The following TANC2 variants were observed in gnomAD, a reference collection of about 807,000 sequenced individuals.
The protein encoded by TANC2 is protein TANC2.
Under a neutral mutation model 210.5 loss-of-function variants are expected in TANC2, and 26 were observed. The observed-to-expected ratio is 0.12, with a 90% confidence interval of 0.09 to 0.17. TANC2 has a LOEUF of 0.17. Among genes scored for constraint, TANC2 ranks in the 10% least tolerant of loss-of-function variants. The probability of loss-of-function intolerance (pLI) is 1.00; values close to 1 mark genes in which losing one functional copy is unlikely to be tolerated. For missense variants in TANC2, 2,129 were observed against 2,608.9 expected (o/e 0.82, Z 4.01); for synonymous variants, 931 against 967.1 (o/e 0.96, Z 0.69).
At chr17:63,318,885 A>G in intron 10 of TANC2, 72 bp from the exon 11 acceptor site, 1 of 1,547,530 alleles carries the variant, frequency 6.5e-7, no homozygotes, top group Non-Finnish European at 8.9e-7. Flanking sequence ...CATAGAACAA[A>G]TGGAATTTAG....
chr17:63,098,478 ACATACACTCTCT>A lies in TANC2; in HGVS notation c.140-695_140-684del, dbSNP rs1427396122. Among the ~76,000 whole-genome samples the A allele has an allele frequency of 2.8e-3, 86 of 30,888 alleles. 2 individuals carry two copies. The highest frequency in any genetic ancestry group is 0.015 in the African/African-American group (85 of 5,852). 20.3% of individuals were successfully genotyped at this position (30,888 alleles called of 152,430 possible). A position where few individuals can be genotyped will look rare whatever the true frequency, so the allele number is the denominator to read the frequency against. ...CACACACACACACACACACACACAC[ACATACACTCTCT>A]CTCTCTCTCTCTCTCTCTCTGTGTG... On this transcript the variant is annotated intron_variant, in intron 3 of 27. Transcript: ENST00000689528.
At chr17:63,214,132 C>T (rs1452444477) in intron 7 of TANC2, among the ~76,000 whole-genome samples, 2 of 152,182 alleles carry the variant, frequency 1.3e-5, no homozygotes, top group African/African-American at 4.8e-5. Context: ...TGGTCACAGC[C>T]TGGTGAGTAT....
In TANC2 at chr17:63,130,245, A is replaced by C. The variant is rs2038869945; in HGVS notation, c.323-21025A>C. ...ATTTACTTGGCCGGCTCAGTGGCTC[A>C]CACCTGTAATCCCAGCACCTTATGA... On this transcript the variant is annotated intron_variant, in intron 4 of 27. Transcript: ENST00000689528. Among the ~76,000 whole-genome samples, 3 of 152,190 alleles carry C rather than the reference A, an allele frequency of 2.0e-5. No homozygotes were observed. In the South Asian group the frequency reaches 6.2e-4, roughly 32 times the overall value.
intron 18 of TANC2, among the ~76,000 whole-genome samples, chr17:63,397,931 G>A (rs748987202): frequency 3.9e-5 from 6 of 152,172 alleles, no homozygotes; most frequent in Non-Finnish European, 8.8e-5. Flanking sequence ...GGGATAATCA[G>A]CAAAACAGCT....
exon 22 of TANC2, chr17:63,411,665 T>C: frequency 6.2e-7 from 1 of 1,613,224 alleles, no homozygotes; most frequent in Non-Finnish European, 8.5e-7. Context: ...ATCTGGCAGC[T>C]TTCTATGGCG....
At chr17:63,056,060 A>G (rs1460890400) in intron 2 of TANC2, among the ~76,000 whole-genome samples, 2 of 129,788 alleles carry the variant, frequency 1.5e-5, no homozygotes, top group African/African-American at 5.5e-5. Context: ...AGTCCCAGGA[A>G]CTTGGGAGGC....
chr17:63,419,854 C>G (rs2048969783), intron 27 of TANC2, 145 bp from the exon 28 acceptor site: 1 of 921,286 alleles, frequency 1.1e-6, no homozygotes, highest in Non-Finnish European at 1.6e-6. Flanking sequence ...TGTTTCCTTC[C>G]CTATAAATCC....
intron 9 of TANC2, among the ~76,000 whole-genome samples, chr17:63,275,503 G>C (rs1202372451): frequency 6.6e-6 from 1 of 152,084 alleles, no homozygotes; most frequent in Admixed American, 6.6e-5. Flanking sequence ...CCTTTATGAT[G>C]ATGACTAAGA....
chr17:63,051,855 C>T (rs2035593785), intron 2 of TANC2, among the ~76,000 whole-genome samples: 1 of 152,036 alleles, frequency 6.6e-6, no homozygotes, highest in African/African-American at 2.4e-5. Context: ...ATTATGAGTA[C>T]ATTTAAGGTA....
chr17:63,340,459 T>C, intron 12 of TANC2, 127 bp downstream of exon 12: 1 of 701,644 alleles, frequency 1.4e-6, no homozygotes. Context: ...GGATATCCTG[T>C]AGGATACAGT....
At chr17:63,411,785 T>C in intron 22 of TANC2, 99 bp downstream of exon 22, 1 of 1,465,446 alleles carries the variant, frequency 6.8e-7, no homozygotes, top group Non-Finnish European at 9.2e-7. Context: ...TGATGATTCC[T>C]GATACAGAGC....
At chr17:63,396,219 A>G (rs931075146) in intron 18 of TANC2, 1 of 337,162 alleles carries the variant, frequency 3.0e-6, no homozygotes, top group East Asian at 6.2e-5. Context: ...GCTCAAAGAG[A>G]TGAATTATTG....
At chr17:63,304,765 A>G (rs527313170) in intron 9 of TANC2, among the ~76,000 whole-genome samples, 2 of 152,202 alleles carry the variant, frequency 1.3e-5, no homozygotes, top group South Asian at 2.1e-4. Context: ...TTAGAGTTCT[A>G]TCCCTGAGTC....
At chr17:63,037,206 G>A (rs926839530) in intron 2 of TANC2, among the ~76,000 whole-genome samples, 2 of 151,950 alleles carry the variant, frequency 1.3e-5, no homozygotes, top group Non-Finnish European at 2.9e-5. Context: ...AACGACTAAC[G>A]GGCATGTAGG....
At chr17:63,005,591 A>G (rs1416824397) in intron 1 of TANC2, among the ~76,000 whole-genome samples, 2 of 151,870 alleles carry the variant, frequency 1.3e-5, no homozygotes, top group Non-Finnish European at 2.9e-5. Flanking sequence ...AACATGGCTT[A>G]TCTCCACTTA....
intron 1 of TANC2, among the ~76,000 whole-genome samples, chr17:63,007,888 G>A (rs1210275146): frequency 2.0e-5 from 3 of 151,190 alleles, no homozygotes; most frequent in Non-Finnish European, 2.9e-5. Context: ...TCCTTCTGGT[G>A]GAAGAACTCC....
At chr17:62,969,180 A>T (rs569712565) in intron 1 of TANC2, among the ~76,000 whole-genome samples, 1 of 152,200 alleles carries the variant, frequency 6.6e-6, no homozygotes, top group African/African-American at 2.4e-5. Context: ...TGTAGCACCT[A>T]TTCTTTGCCA....
chr17:63,207,728 A>G (rs1409984585), intron 7 of TANC2, among the ~76,000 whole-genome samples: 3 of 152,192 alleles, frequency 2.0e-5, no homozygotes, highest in Non-Finnish European at 4.4e-5. Flanking sequence ...CGTTAGTCAT[A>G]TGTATGATTC....
At chr17:63,371,466 C>CAA (rs535768676) in intron 14 of TANC2, among the ~76,000 whole-genome samples, 5 of 100,874 alleles carry the variant, frequency 5.0e-5, no homozygotes, top group African/African-American at 1.1e-4. Flanking sequence ...AATTCCGTCT[C>CAA]AAAAAAAAAA....
Sources: allele counts gnomAD v4.1 joint callset (sites outside exome capture counted in the v4.1 genomes callset), GRCh38; gene constraint gnomAD v4.1.1; transcripts MANE v1.5; gene names NCBI Gene and HGNC (gene_info 2026-07-23, HGNC 2026-07-21).